Variants in CDKAL1 observed in about 807,000 individuals in gnomAD.
CDKAL1 encodes CDKAL1 threonylcarbamoyladenosine tRNA methylthiotransferase, also known as threonylcarbamoyladenosine tRNA methylthiotransferase.
In CDKAL1, 32 loss-of-function variants were observed where a neutral mutation model predicts 68.2. The ratio of observed to expected loss-of-function variants is 0.47; its 90% CI spans 0.35 to 0.63. The LOEUF is 0.63. CDKAL1 is among the 30% of genes least tolerant of loss of function. The pLI, the probability that CDKAL1 is intolerant of heterozygous loss-of-function variation, is 0.00. For synonymous variants in CDKAL1, 234 were observed against 244.3 expected (o/e 0.96, Z 0.39); for missense variants, 606 against 696.7 (o/e 0.87, Z 1.47).
intron 9 of CDKAL1, among the ~76,000 whole-genome samples, chr6:20,923,068 T>G (rs2150654921): frequency 6.6e-6 from 1 of 152,194 alleles, no homozygotes; most frequent in Non-Finnish European, 1.5e-5. Flanking sequence ...CATCTGCATA[T>G]AAAGTCTTCT....
chr6:20,902,135 A>G (rs2150601051), intron 9 of CDKAL1, among the ~76,000 whole-genome samples: 1 of 152,270 alleles, frequency 6.6e-6, no homozygotes, highest in East Asian at 1.9e-4. Flanking sequence ...ACCAAGTTGG[A>G]AATGTTGAAC....
intron 11 of CDKAL1, among the ~76,000 whole-genome samples, chr6:21,003,345 T>TAA: frequency 2.2e-5 from 1 of 45,902 alleles, no homozygotes; most frequent in Non-Finnish European, 4.2e-5. Flanking sequence ...CTCTACTAAA[T>TAA]ATATATATAT....
At chr6:21,159,264 A>G (rs1274474859) in intron 13 of CDKAL1, among the ~76,000 whole-genome samples, 3 of 152,170 alleles carry the variant, frequency 2.0e-5, no homozygotes, top group Admixed American at 6.5e-5. Flanking sequence ...TCTGGCAATA[A>G]TGAAACATTT....
At chr6:21,188,114 C>A (rs1038537055) in intron 13 of CDKAL1, among the ~76,000 whole-genome samples, 1 of 152,096 alleles carries the variant, frequency 6.6e-6, no homozygotes, top group East Asian at 1.9e-4. Flanking sequence ...TTTGTAAAGG[C>A]TCTTCATATT....
At chr6:20,535,878 C>A (rs765534125) in intron 2 of CDKAL1, among the ~76,000 whole-genome samples, 1 of 152,146 alleles carries the variant, frequency 6.6e-6, no homozygotes, top group Non-Finnish European at 1.5e-5. Flanking sequence ...GTTTGGATTT[C>A]CATTTCCCTG....
chr6:21,133,318 C>T (rs1775423341), intron 13 of CDKAL1, among the ~76,000 whole-genome samples: 1 of 152,154 alleles, frequency 6.6e-6, no homozygotes, highest in Admixed American at 6.6e-5. Flanking sequence ...ACAGCTTCTT[C>T]TTCTTTTTTT....
chr6:20,725,450 G>A lies in CDKAL1; in HGVS notation c.372-14069G>A, dbSNP rs113131290. 1.5e-4 allele frequency among the ~76,000 whole-genome samples: 23 copies of A among 152,294 alleles called. 1 individual carries two copies. Among genetic ancestry groups the A allele is most frequent in the African/African-American group, 4.6e-4 (19 of 41,560 alleles). ...GCGTATATGCAGTGGTCTGACTTCCGTAAGCCTCACTCATCTGACTTTCCT... is the reference window on the plus strand; with the variant it reads ...GCGTATATGCAGTGGTCTGACTTCCATAAGCCTCACTCATCTGACTTTCCT... On this transcript the variant is annotated intron_variant, in intron 5 of 15. Transcript: ENST00000274695.
intron 9 of CDKAL1, among the ~76,000 whole-genome samples, chr6:20,920,097 T>C (rs942554975): frequency 1.3e-5 from 2 of 152,178 alleles, no homozygotes; most frequent in African/African-American, 4.8e-5. Context: ...TTAATATCCT[T>C]TTAATAAACT....
Position 21,020,907 on chromosome 6 carries a change from C to T in CDKAL1, c.1055+20535C>T, listed in dbSNP as rs1048168177. ...ATTACAGATGTGTGTGTGTGTGCCACGGTACCTGACACAGGTACTATTATG... is the reference window on the plus strand; with the variant it reads ...ATTACAGATGTGTGTGTGTGTGCCATGGTACCTGACACAGGTACTATTATG... On this transcript the variant is annotated intron_variant, in intron 11 of 15. Coordinates refer to ENST00000274695, the MANE Select transcript of CDKAL1 (RefSeq NM_017774.3). Among the ~76,000 whole-genome samples, 6 of 151,338 alleles carry T rather than the reference C, an allele frequency of 4.0e-5. No individual in the cohort carries two copies. The East Asian group carries it at 5.8e-4, about 15-fold the overall frequency.
At chr6:20,734,455 G>T (rs977141968) in intron 5 of CDKAL1, among the ~76,000 whole-genome samples, 4 of 152,052 alleles carry the variant, frequency 2.6e-5, no homozygotes, top group Admixed American at 2.6e-4. Context: ...CAGGATAAAA[G>T]CTTTTAAAAA....
intron 13 of CDKAL1, among the ~76,000 whole-genome samples, chr6:21,113,472 C>T (rs1456320770): frequency 6.6e-6 from 1 of 151,712 alleles, no homozygotes; most frequent in Non-Finnish European, 1.5e-5. Flanking sequence ...ATAGCAAGAA[C>T]CCATCTCTAC....
chr6:20,855,410 T>C (rs1459521540), intron 9 of CDKAL1, among the ~76,000 whole-genome samples: 1 of 113,382 alleles, frequency 8.8e-6, no homozygotes, highest in Non-Finnish European at 1.6e-5. Flanking sequence ...ACCATGGCAC[T>C]CCAGCCTGGG....
At chr6:20,799,334 G>T (rs1429957144) in intron 8 of CDKAL1, among the ~76,000 whole-genome samples, 1 of 152,010 alleles carries the variant, frequency 6.6e-6, no homozygotes, top group Non-Finnish European at 1.5e-5. Flanking sequence ...TTACAGGCGT[G>T]AGCCACCGTG....
intron 8 of CDKAL1, among the ~76,000 whole-genome samples, chr6:20,808,913 C>G (rs1489173683): frequency 6.6e-6 from 1 of 152,118 alleles, no homozygotes. Context: ...GTTGAGGGAG[C>G]TGTTTCAGAT....
At chr6:20,644,673 A>G (rs1277728393) in intron 4 of CDKAL1, among the ~76,000 whole-genome samples, 1 of 146,184 alleles carries the variant, frequency 6.8e-6, no homozygotes, top group African/African-American at 2.6e-5. Flanking sequence ...GTCTCAAAAC[A>G]AAAACAAAAA....
chr6:21,043,692 C>G (rs1446281524), intron 11 of CDKAL1, among the ~76,000 whole-genome samples: 1 of 152,138 alleles, frequency 6.6e-6, no homozygotes. Flanking sequence ...TTGTTACTTT[C>G]TGTCGTATTC....
intron 4 of CDKAL1, among the ~76,000 whole-genome samples, chr6:20,617,664 G>A (rs367820340): frequency 1.5e-3 from 226 of 152,126 alleles, no homozygotes; most frequent in Middle Eastern, 6.8e-3. Context: ...GAGAACATGC[G>A]GTGTTTGGTT....
At chr6:20,830,304 T>G (rs1777661703) in intron 8 of CDKAL1, among the ~76,000 whole-genome samples, 1 of 152,162 alleles carries the variant, frequency 6.6e-6, no homozygotes, top group African/African-American at 2.4e-5. Flanking sequence ...ACCAATAAAT[T>G]AACTAAATTA....
intron 4 of CDKAL1, among the ~76,000 whole-genome samples, chr6:20,634,078 C>T (rs552013196): frequency 6.6e-6 from 1 of 152,274 alleles, no homozygotes; most frequent in South Asian, 2.1e-4. Flanking sequence ...ATGTACCATT[C>T]TGAGCAGATG....
Sources: allele counts gnomAD v4.1 joint callset (sites outside exome capture counted in the v4.1 genomes callset), GRCh38; gene constraint gnomAD v4.1.1; transcripts MANE v1.5; gene names NCBI Gene and HGNC (gene_info 2026-07-23, HGNC 2026-07-21).